NIPBL: variants seen among roughly 807,000 people sequenced by gnomAD.
The protein encoded by NIPBL is NIPBL cohesin loading factor, also known as nipped-B-like protein.
In NIPBL, 19 loss-of-function variants were observed where a neutral mutation model predicts 321.8. The ratio of observed to expected loss-of-function variants is 0.06; its 90% CI spans 0.04 to 0.09. NIPBL has a LOEUF of 0.09. Ranked by LOEUF, NIPBL falls within the 10% of genes least tolerant of loss-of-function variation. NIPBL has a pLI of 1.00. For missense variants in NIPBL, 2,210 were observed against 3,327.0 expected (o/e 0.66, Z 8.26); for synonymous variants, 1,106 against 1,114.1 (o/e 0.99, Z 0.14).
At chr5:37,051,126 T>G (rs1753500104) in intron 40 of NIPBL, 2 of 152,708 alleles carry the variant, frequency 1.3e-5, no homozygotes, top group Middle Eastern at 3.4e-3. Flanking sequence ...CGCACCCACC[T>G]TACAGCCTTT....
chr5:37,046,264 G>T, intron 38 of NIPBL, 65 bp downstream of exon 38: 1 of 897,734 alleles, frequency 1.1e-6, no homozygotes, highest in Non-Finnish European at 1.9e-6. Context: ...TTTAAATATT[G>T]TGAATCTAAA....
chr5:36,957,047 C>A (rs1213127713), intron 3 of NIPBL, among the ~76,000 whole-genome samples: 1 of 152,038 alleles, frequency 6.6e-6, no homozygotes, highest in Non-Finnish European at 1.5e-5. Flanking sequence ...TGTAAGATTG[C>A]CCTGGAAATG....
At chr5:36,968,814 G>A (rs769539539) in intron 6 of NIPBL, among the ~76,000 whole-genome samples, 10 of 152,102 alleles carry the variant, frequency 6.6e-5, no homozygotes, top group Admixed American at 2.0e-4. Flanking sequence ...TATTTAGTGG[G>A]TGTCCCAGCC....
chr5:37,022,462 T>C, intron 29 of NIPBL, 72 bp downstream of exon 29: 3 of 1,353,392 alleles, frequency 2.2e-6, no homozygotes, highest in Non-Finnish European at 3.0e-6. Flanking sequence ...TGTTTTAAAG[T>C]GTTAAGTTAG....
chr5:37,057,437 T>A, intron 43 of NIPBL, 105 bp downstream of exon 43: 1 of 1,166,598 alleles, frequency 8.6e-7, no homozygotes, highest in Non-Finnish European at 1.2e-6. Flanking sequence ...CACGAGTATA[T>A]AAAATCTTTC....
At chr5:37,027,238 TTAAAAA>T (rs1355343412) in intron 31 of NIPBL, 115 bp from the exon 32 acceptor site, 2 of 786,230 alleles carry the variant, frequency 2.5e-6, no homozygotes, top group African/African-American at 1.8e-5. Flanking sequence ...ATAGTTTACT[TTAAAAA>T]TAAACTTTTG....
intron 6 of NIPBL, among the ~76,000 whole-genome samples, chr5:36,970,610 C>T: frequency 6.6e-6 from 1 of 151,562 alleles, no homozygotes; most frequent in Non-Finnish European, 1.5e-5. Flanking sequence ...TAGTGGTTAC[C>T]TCTAGGGAGT....
chr5:37,040,693 T>G (rs1253589333), intron 34 of NIPBL, among the ~76,000 whole-genome samples: 1 of 152,326 alleles, frequency 6.6e-6, no homozygotes, highest in East Asian at 1.9e-4. Flanking sequence ...ACTGGTGACT[T>G]TATTTTGTTG....
chr5:36,983,899 G>A (rs1421374349), intron 9 of NIPBL, among the ~76,000 whole-genome samples: 3 of 151,766 alleles, frequency 2.0e-5, no homozygotes, highest in Admixed American at 6.6e-5. Context: ...ACTTTATATC[G>A]AAGAGTAGGA....
chr5:36,958,349 C>A, intron 4 of NIPBL, 118 bp downstream of exon 4: 1 of 944,778 alleles, frequency 1.1e-6, no homozygotes, highest in Non-Finnish European at 1.7e-6. Context: ...TTCAGTCAAG[C>A]CAAGAACAAG....
At chr5:37,052,300 C>CT in intron 41 of NIPBL, 66 bp from the exon 42 acceptor site, 3 of 1,253,176 alleles carry the variant, frequency 2.4e-6, no homozygotes, top group Non-Finnish European at 3.5e-6. Context: ...ATGTAATGCT[C>CT]TAAGTATATT....
intron 44 of NIPBL, 82 bp downstream of exon 44, chr5:37,059,247 C>A: frequency 6.8e-7 from 1 of 1,469,944 alleles, no homozygotes; most frequent in Non-Finnish European, 9.4e-7. Context: ...TGGCTCATGC[C>A]TGTAATCCCA....
At chr5:37,058,197 A>C (rs1480969359) in intron 43 of NIPBL, among the ~76,000 whole-genome samples, 1 of 152,196 alleles carries the variant, frequency 6.6e-6, no homozygotes, top group African/African-American at 2.4e-5. Flanking sequence ...ATCTTCAACA[A>C]AATCCACAGA....
chr5:36,915,394 A>G (rs891219428), intron 1 of NIPBL, among the ~76,000 whole-genome samples: 5 of 152,146 alleles, frequency 3.3e-5, no homozygotes, highest in African/African-American at 1.2e-4. Flanking sequence ...AGATTCTTCA[A>G]TGGACTTGAT....
rs1426672358 is a variant in NIPBL at position 37,058,926 on chromosome 5, A to G, written c.7446A>G (p.Ser2482=). ...AGGACAAAAGGAAAGAGAGAAAATC[A>G]TCACCTAGTAAGGAAAATGAGTCAA... is the stretch of plus-strand genomic sequence containing the variant. The part of the protein sequence containing the change: ...MVKDKRKERK[S]SPSKENESSD... Residue 2482 remains serine (S), a synonymous_variant, in exon 44 of 47, where the codon TCA becomes TCG. Transcript: ENST00000282516. 4 of 1,614,150 alleles carry G rather than the reference A, an allele frequency of 2.5e-6. No homozygotes were observed. In the South Asian group the frequency reaches 3.3e-5, roughly 13 times the overall value.
intron 12 of NIPBL, 27 bp downstream of exon 12, chr5:37,000,597 T>C (rs1304128206): frequency 6.2e-7 from 1 of 1,606,192 alleles, no homozygotes; most frequent in Non-Finnish European, 8.5e-7. Flanking sequence ...AACGGATTTC[T>C]TACATAAACC....
chr5:36,904,480 A>G (rs1291088409), intron 1 of NIPBL, among the ~76,000 whole-genome samples: 2 of 152,192 alleles, frequency 1.3e-5, no homozygotes, highest in Non-Finnish European at 2.9e-5. Context: ...AAAAACAAAC[A>G]AGCAGTTATG....
In NIPBL at chr5:37,028,762, A is replaced by C. The variant is rs528906138; in HGVS notation, c.5862+1350A>C. The stretch of plus-strand genomic sequence containing the variant: ...ATCATTTATACCAAAATAATAATGC[A>C]TTATTCCATAACTAATACCTATTCA... On this transcript the variant is annotated intron_variant, in intron 32 of 46. Transcript: ENST00000282516. Among the ~76,000 whole-genome samples the C allele has an allele frequency of 4.6e-5, 7 of 152,348 alleles. No homozygotes were observed. In the South Asian group the frequency reaches 1.5e-3, roughly 32 times the overall value.
At chr5:37,045,060 A>G (rs1752831957) in intron 36 of NIPBL, among the ~76,000 whole-genome samples, 1 of 152,192 alleles carries the variant, frequency 6.6e-6, no homozygotes, top group South Asian at 2.1e-4. Flanking sequence ...ACCATTAGTA[A>G]AAATTAATTG....
Sources: allele counts gnomAD v4.1 joint callset (sites outside exome capture counted in the v4.1 genomes callset), GRCh38; gene constraint gnomAD v4.1.1; transcripts MANE v1.5; gene names NCBI Gene and HGNC (gene_info 2026-07-23, HGNC 2026-07-21).